The following PPP1CC variants were observed in gnomAD, a reference collection of about 807,000 sequenced individuals.
PPP1CC encodes the protein protein phosphatase 1 catalytic subunit gamma.
A neutral mutation model predicts 38.4 loss-of-function variants in PPP1CC; 16 were observed. The observed-to-expected ratio is 0.42, with a 90% CI of 0.28 to 0.63. The LOEUF (loss-of-function observed/expected upper bound fraction) is 0.63, where lower values mean the gene tolerates loss of function less well. Ranked by LOEUF, PPP1CC falls within the 30% of genes least tolerant of loss-of-function variation. PPP1CC has a pLI of 0.25. For synonymous variants in PPP1CC, 158 were observed against 136.0 expected (o/e 1.16, Z -1.13); for missense variants, 170 against 391.3 (o/e 0.43, Z 4.77).
At position 110,742,862 on chromosome 12, in the gene PPP1CC, T is replaced by C; in HGVS notation, c.-155A>G. The C allele has an allele frequency of 2.2e-6, 1 of 457,838 alleles. No homozygotes were observed. Among genetic ancestry groups the C allele is most frequent in the Non-Finnish European group, 3.7e-6 (1 of 270,208 alleles). 28.4% of individuals were successfully genotyped at this position (457,838 alleles called of 1,614,324 possible). On this transcript the variant is annotated 5_prime_UTR_variant, in exon 1 of 7. Coordinates refer to ENST00000335007, the MANE Select transcript of PPP1CC (RefSeq NM_002710.4). ...CCCTGCCACCCCGCTCCCTACTTCCTCCTTCTCTCCCCACTGGAACCACGA... is the reference window on the plus strand; with the variant it reads ...CCCTGCCACCCCGCTCCCTACTTCCCCCTTCTCTCCCCACTGGAACCACGA...
intron 4 of PPP1CC, among the ~76,000 whole-genome samples, chr12:110,724,343 T>C (rs886823541): frequency 1.5e-4 from 23 of 152,202 alleles, no homozygotes; most frequent in African/African-American, 5.3e-4. Context: ...GGAGGACTGC[T>C]TGAGCCCAGG....
the PPP1CC span, among the ~76,000 whole-genome samples, chr12:110,712,778 A>G: frequency 6.6e-6 from 1 of 151,944 alleles, no homozygotes; most frequent in Admixed American, 6.6e-5. Context: ...CAGTGCTAAG[A>G]AATGAAAACC....
chr12:110,723,357 T>C (rs2069760914), intron 4 of PPP1CC, among the ~76,000 whole-genome samples: 1 of 152,128 alleles, frequency 6.6e-6, no homozygotes, highest in Non-Finnish European at 1.5e-5. Flanking sequence ...AAAACCTAAG[T>C]ACAGAAGCAC....
At chr12:110,728,482 G>GT (rs2069834931) in intron 3 of PPP1CC, among the ~76,000 whole-genome samples, 1 of 152,034 alleles carries the variant, frequency 6.6e-6, no homozygotes, top group African/African-American at 2.4e-5. Context: ...GCTGGGTGTG[G>GT]TGGCTCATGA....
the PPP1CC span, among the ~76,000 whole-genome samples, chr12:110,713,959 C>T: frequency 3.3e-5 from 5 of 152,012 alleles, no homozygotes; most frequent in African/African-American, 1.2e-4. Context: ...ATTAGCTCGG[C>T]GTGGTGGCGG....
chr12:110,728,528 G>C (rs748379021), intron 3 of PPP1CC, among the ~76,000 whole-genome samples: 20 of 152,122 alleles, frequency 1.3e-4, no homozygotes, highest in Admixed American at 2.0e-4. Flanking sequence ...TGAGGTGAAA[G>C]GATTGCTTAA....
At chr12:110,718,840 C>T (rs1252814186), downstream of PPP1CC, among the ~76,000 whole-genome samples, 1 of 152,152 alleles carries the variant, frequency 6.6e-6, no homozygotes, top group Non-Finnish European at 1.5e-5. Flanking sequence ...AGATTTCAAA[C>T]TGAGTCTCTC....
rs1348549417 is a variant in PPP1CC at position 110,722,349 on chromosome 12, T to A, written c.748-80A>T. The A allele has an allele frequency of 1.3e-6, 2 of 1,568,310 alleles. No homozygotes were observed. The highest frequency in any genetic ancestry group is 1.7e-6 in the Non-Finnish European group (2 of 1,145,040). ...CCATGTTTCAGTTTCCCATTGAGCC[T>A]GATATCTTGTGTTCCAGAAACACTT... On this transcript the variant is annotated intron_variant, in intron 5 of 6. Transcript: ENST00000335007. This position sits in a 1 kb window ranked among gnomAD's most constrained non-coding sequence, Gnocchi z 5.4.
downstream of PPP1CC, among the ~76,000 whole-genome samples, chr12:110,715,038 A>G (rs2069677615): frequency 6.6e-6 from 1 of 151,906 alleles, no homozygotes; most frequent in Non-Finnish European, 1.5e-5. Flanking sequence ...AGTCTGTCCA[A>G]GAATATAACG....
chr12:110,711,414 A>T, the PPP1CC span, among the ~76,000 whole-genome samples: 1 of 152,146 alleles, frequency 6.6e-6, no homozygotes, highest in Non-Finnish European at 1.5e-5. Context: ...AAAATTTAAC[A>T]GTATATTGCT....
At chr12:110,716,900 T>C (rs1287378989), downstream of PPP1CC, among the ~76,000 whole-genome samples, 1 of 152,238 alleles carries the variant, frequency 6.6e-6, no homozygotes, top group East Asian at 1.9e-4. Context: ...AATTCAGGGA[T>C]GCACTAATGC....
At chr12:110,723,295 A>G (rs2069760217) in intron 4 of PPP1CC, among the ~76,000 whole-genome samples, 2 of 152,084 alleles carry the variant, frequency 1.3e-5, no homozygotes, top group Non-Finnish European at 2.9e-5. Flanking sequence ...GTATCGAGTT[A>G]CAATATGGGA....
Position 110,720,079 on chromosome 12 carries a change from T to C in PPP1CC, c.*997A>G, listed in dbSNP as rs779225268. ...AAGTTAGTTCCTTTGTTTTAACTTA[T>C]AAGCCTCAACTTCACCGCAGAATAA... On this transcript the variant is annotated 3_prime_UTR_variant, in exon 7 of 7. Transcript: ENST00000335007. 6 of 1,461,174 alleles carry C rather than the reference T, an allele frequency of 4.1e-6. No individual in the cohort carries two copies. The highest frequency in any genetic ancestry group is 1.7e-4 in the Middle Eastern group (1 of 5,826). The allele number at this position is 1,461,174 out of a possible 1,614,324, so 90.5% of individuals were successfully genotyped here.
intron 1 of PPP1CC, among the ~76,000 whole-genome samples, chr12:110,740,352 G>A (rs2070003123): frequency 6.6e-6 from 1 of 152,204 alleles, no homozygotes; most frequent in African/African-American, 2.4e-5. Flanking sequence ...TGGGGAGGAC[G>A]AGGTGCGAGG....
chr12:110,714,307 C>T, the PPP1CC span, among the ~76,000 whole-genome samples: 2 of 152,064 alleles, frequency 1.3e-5, no homozygotes, highest in Non-Finnish European at 2.9e-5. Context: ...TACCCAATGG[C>T]CCTAGAACAG....
downstream of PPP1CC, among the ~76,000 whole-genome samples, chr12:110,718,677 A>C (rs1211660256): frequency 4.6e-5 from 7 of 152,256 alleles, no homozygotes; most frequent in East Asian, 1.4e-3. Context: ...ACACCACACA[A>C]CTTCACTCAA....
chr12:110,722,787 C>A lies in PPP1CC; in HGVS notation c.524-92G>T. 1 of 934,026 alleles carries A rather than the reference C, an allele frequency of 1.1e-6. No homozygotes were observed. The highest frequency in any genetic ancestry group is 1.6e-6 in the Non-Finnish European group (1 of 640,734). The allele number at this position is 934,026 out of a possible 1,614,324, so 57.9% of individuals were successfully genotyped here. A position where few individuals can be genotyped will look rare whatever the true frequency, so the allele number is the denominator to read the frequency against. ...AGTTCCATTTGTCTACAGAGAAATT[C>A]AATAATCCTGACATAAAAACTGAAA... is the stretch of plus-strand genomic sequence containing the variant. On this transcript the variant is annotated intron_variant, in intron 4 of 6. Transcript: ENST00000335007. The surrounding 1 kb of genome is among the most constrained non-coding windows in gnomAD (Gnocchi z 5.4).
chr12:110,732,264 C>T (rs2069881357), intron 1 of PPP1CC: 2 of 320,848 alleles, frequency 6.2e-6, no homozygotes, highest in Non-Finnish European at 5.7e-6. Flanking sequence ...TCCAGACCAT[C>T]CTCGCCAACA....
chr12:110,710,729 A>C, the PPP1CC span, among the ~76,000 whole-genome samples: 2 of 147,396 alleles, frequency 1.4e-5, no homozygotes, highest in South Asian at 4.3e-4. Context: ...AAAAAAAAAA[A>C]AAAAAAAAAA....
Sources: allele counts gnomAD v4.1 joint callset (sites outside exome capture counted in the v4.1 genomes callset), GRCh38; gene constraint gnomAD v4.1.1; non-coding constraint Gnocchi (gnomAD v3.1); transcripts MANE v1.5; gene names NCBI Gene and HGNC (gene_info 2026-07-23, HGNC 2026-07-21).